Variants in ULK4 observed in about 807,000 individuals in gnomAD.
ULK4 encodes inactive serine/threonine-protein kinase ULK4.
In ULK4, 133 loss-of-function variants were observed where a neutral mutation model predicts 160.6. That is an observed-to-expected ratio of 0.83 (90% CI 0.72 to 0.96). The LOEUF (loss-of-function observed/expected upper bound fraction) is 0.96, where lower values mean the gene tolerates loss of function less well. Among genes scored for constraint, ULK4 ranks in the 40% least tolerant of loss-of-function variants. The pLI, the probability that ULK4 is intolerant of heterozygous loss-of-function variation, is 0.00. For synonymous variants in ULK4, 534 were observed against 539.8 expected (o/e 0.99, Z 0.15); for missense variants, 1,580 against 1,499.5 (o/e 1.05, Z -0.89).
intron 32 of ULK4, among the ~76,000 whole-genome samples, chr3:41,548,927 C>G (rs1040724055): frequency 8.5e-5 from 13 of 152,112 alleles, no homozygotes; most frequent in African/African-American, 3.1e-4. Flanking sequence ...ATCACAGATA[C>G]CACTGATGCT....
chr3:41,961,668 C>G (rs1020477969), intron 1 of ULK4, among the ~76,000 whole-genome samples: 1 of 151,782 alleles, frequency 6.6e-6, no homozygotes, highest in Non-Finnish European at 1.5e-5. Context: ...GCCTAGGAAG[C>G]GCTGCAGGGC....
intron 31 of ULK4, among the ~76,000 whole-genome samples, chr3:41,584,465 A>G (rs899725737): frequency 1.3e-5 from 2 of 152,016 alleles, no homozygotes; most frequent in South Asian, 4.1e-4. Flanking sequence ...CTAATTAATT[A>G]ATTAGTAGAG....
intron 34 of ULK4, among the ~76,000 whole-genome samples, chr3:41,427,847 T>C (rs915152309): frequency 6.6e-5 from 10 of 152,140 alleles, no homozygotes; most frequent in Admixed American, 2.6e-4. Context: ...AGCATTCCCC[T>C]TAAAAACTGG....
At chr3:41,731,295 A>C (rs1246075761) in intron 22 of ULK4, among the ~76,000 whole-genome samples, 5 of 152,094 alleles carry the variant, frequency 3.3e-5, no homozygotes, top group Non-Finnish European at 7.4e-5. Context: ...TCCACCAAAA[A>C]ACTCTTACAA....
rs529385009 is a variant in ULK4, at chr3:41,644,410, T to G, written c.3071+19197A>C. 2.0e-5 allele frequency among the ~76,000 whole-genome samples: 3 copies of G among 152,248 alleles called. No individual in the cohort carries two copies. The East Asian group carries it at 5.8e-4, about 29-fold the overall frequency. On this transcript the variant is annotated intron_variant, in intron 30 of 36. Coordinates refer to ENST00000301831, the MANE Select transcript of ULK4 (RefSeq NM_017886.4). ...GAGAGTTTTTAGCATGAAGGGTTGT[T>G]GAATTTTGTCAAAGGCCTTTTCTGC...
chr3:41,435,550 G>A (rs1476563728), intron 34 of ULK4, among the ~76,000 whole-genome samples: 1 of 152,178 alleles, frequency 6.6e-6, no homozygotes, highest in Non-Finnish European at 1.5e-5. Flanking sequence ...TTCTATCTGA[G>A]AATAAATAGT....
At chr3:41,724,517 GATCGAGACC>G (rs1296609340) in intron 22 of ULK4, among the ~76,000 whole-genome samples, 2 of 152,144 alleles carry the variant, frequency 1.3e-5, no homozygotes, top group Non-Finnish European at 2.9e-5. Flanking sequence ...GAGGTCAGGA[GATCGAGACC>G]ATCCTGGCTA....
intron 31 of ULK4, among the ~76,000 whole-genome samples, chr3:41,577,011 T>A (rs2088213124): frequency 6.6e-6 from 1 of 152,060 alleles, no homozygotes; most frequent in African/African-American, 2.4e-5. Context: ...TCAATTAGAG[T>A]CGTCTTTTAC....
intron 32 of ULK4, among the ~76,000 whole-genome samples, chr3:41,563,631 T>C (rs1559397466): frequency 6.6e-6 from 1 of 152,192 alleles, no homozygotes; most frequent in Non-Finnish European, 1.5e-5. Flanking sequence ...CGGATACCCT[T>C]TCTTCCACTT....
chr3:41,719,466 A>G (rs2037378915), intron 22 of ULK4, among the ~76,000 whole-genome samples: 1 of 152,162 alleles, frequency 6.6e-6, no homozygotes, highest in South Asian at 2.1e-4. Flanking sequence ...CAAAATAAAA[A>G]TCATCATCTC....
At chr3:41,432,206 C>T (rs1027757533) in intron 34 of ULK4, among the ~76,000 whole-genome samples, 12 of 152,116 alleles carry the variant, frequency 7.9e-5, no homozygotes, top group Non-Finnish European at 1.5e-4. Flanking sequence ...AAGACCAGTA[C>T]TGACAAAGTA....
chr3:41,585,714 C>CT (rs1485993075), intron 31 of ULK4, among the ~76,000 whole-genome samples: 1 of 152,044 alleles, frequency 6.6e-6, no homozygotes, highest in Admixed American at 6.5e-5. Context: ...ACCAAACAAT[C>CT]AACAGAGAGA....
chr3:41,378,171 C>G (rs1212925312), intron 35 of ULK4, among the ~76,000 whole-genome samples: 2 of 135,250 alleles, frequency 1.5e-5, no homozygotes, highest in Admixed American at 1.8e-4. Context: ...GGGAATTGAA[C>G]AATGAGATCA....
intron 31 of ULK4, among the ~76,000 whole-genome samples, chr3:41,594,490 A>T (rs538688098): frequency 2.0e-5 from 3 of 152,216 alleles, no homozygotes; most frequent in South Asian, 2.1e-4. Context: ...GTGAGCTATG[A>T]TCACACCACT....
At position 41,907,915 on chromosome 3, in the gene ULK4, G is replaced by C; in HGVS notation, c.1112C>G (p.Thr371Ser). Reference sequence around the variant, plus strand: ...CTCACCAGGACTTACTTCCACTGCAGTGCTAGTTCTGGGAGTAGGACGAGA... The same window carrying C: ...CTCACCAGGACTTACTTCCACTGCACTGCTAGTTCTGGGAGTAGGACGAGA... ...LSSRPTPRTS[T>S]AVEVSPGEDM... The change falls in exon 12 of 37, where the codon ACT becomes AGT. Residue 371 changes from threonine to serine, a missense_variant. Transcript: ENST00000301831. The C allele has an allele frequency of 2.5e-6, 4 of 1,607,554 alleles. No homozygotes were observed. The highest frequency in any genetic ancestry group is 3.4e-6 in the Non-Finnish European group (4 of 1,177,292).
rs983002122 is a variant in ULK4, at chr3:41,848,262, A to G, written c.1657-12291T>C. The stretch of plus-strand genomic sequence containing the variant: ...GGAAAAGCAAGTAAAGTGCATAAGT[A>G]GATTTCTCATACAGTCTTTCAGTCA... On this transcript the variant is annotated intron_variant, in intron 17 of 36. Coordinates refer to ENST00000301831, the MANE Select transcript of ULK4 (RefSeq NM_017886.4). 4.3e-5 allele frequency among the ~76,000 whole-genome samples: 6 copies of G among 138,862 alleles called. No individual in the cohort carries two copies. The East Asian group carries it at 1.2e-3, about 27-fold the overall frequency. The allele number at this position is 138,862 out of a possible 152,430, so 91.1% of individuals were successfully genotyped here.
intron 17 of ULK4, among the ~76,000 whole-genome samples, chr3:41,882,452 G>A (rs2125702110): frequency 6.6e-6 from 1 of 152,324 alleles, no homozygotes; most frequent in South Asian, 2.1e-4. Flanking sequence ...AATAGCCATA[G>A]TGGCTGGTGG....
chr3:41,950,484 C>A (rs1700253254), intron 2 of ULK4, among the ~76,000 whole-genome samples: 1 of 152,052 alleles, frequency 6.6e-6, no homozygotes, highest in Admixed American at 6.6e-5. Flanking sequence ...CTCAAGTGAT[C>A]CGCCCACCTC....
At chr3:41,697,099 A>G (rs1193314471) in intron 27 of ULK4, among the ~76,000 whole-genome samples, 3 of 152,222 alleles carry the variant, frequency 2.0e-5, no homozygotes, top group African/African-American at 7.2e-5. Context: ...TTTTAAACCA[A>G]TAAGCTTGTG....
Sources: gnomAD v4.1 joint callset for allele counts (sites outside exome capture counted in the v4.1 genomes callset) on GRCh38, gnomAD v4.1.1 for gene constraint, MANE v1.5 for transcripts, NCBI Gene and HGNC (gene_info 2026-07-23, HGNC 2026-07-21) for gene names.